The following GCLM variants were observed in gnomAD, a reference collection of about 807,000 sequenced individuals.
The protein encoded by GCLM is glutamate-cysteine ligase modifier subunit.
GCLM carries 15 observed loss-of-function variants against 36.0 expected under a neutral mutation model. The ratio of observed to expected loss-of-function variants is 0.42; its 90% confidence interval spans 0.28 to 0.64. GCLM has a LOEUF of 0.64. Ranked by LOEUF, GCLM falls within the 30% of genes least tolerant of loss-of-function variation. GCLM has a pLI of 0.25. For missense variants in GCLM, 242 were observed against 325.5 expected, an observed-to-expected ratio of 0.74 and a Z score of 1.97; for synonymous variants, 129 against 122.8, an observed-to-expected ratio of 1.05 and a Z score of -0.34.
In GCLM at chr1:93,896,620, G is replaced by A. The variant is rs1656743830; in HGVS notation, c.538C>T (p.Gln180Ter). 1.9e-6 allele frequency: 3 copies of A among 1,612,096 alleles called. No homozygotes were observed. The highest frequency in any genetic ancestry group is 2.2e-5 in the East Asian group (1 of 44,852). ...CTCATGATCCTGCCATCCCTCACCT[G>A]TGCCCACTGATACAGCTGTTCCAAC... ...TQLEQLYQWA[Q>*]VKPNSNQVNL... The change falls in exon 5 of 7, where the codon CAG (glutamine) becomes TAG (stop). Residue 180 changes from glutamine (Q) to a stop codon, truncating the protein, a stop_gained and splice_region_variant. Coordinates refer to ENST00000370238, the MANE Select transcript of GCLM (RefSeq NM_002061.4). LOFTEE classifies it high-confidence loss of function.
intron 1 of GCLM, among the ~76,000 whole-genome samples, chr1:93,906,354 G>A (rs1336806647): frequency 6.6e-6 from 1 of 152,242 alleles, no homozygotes; most frequent in Non-Finnish European, 1.5e-5. Context: ...TAGTAAAAAT[G>A]GAAGGAGCAG....
intron 1 of GCLM, among the ~76,000 whole-genome samples, chr1:93,906,667 A>C (rs1186632810): frequency 1.3e-5 from 2 of 152,194 alleles, no homozygotes; most frequent in African/African-American, 2.4e-5. Context: ...TGTAAATTAC[A>C]TGTTTGCTAT....
rs79508488 is a variant in GCLM, at chr1:93,895,678, A to G, written c.540+940T>C. On this transcript the variant is annotated intron_variant, in intron 5 of 6. Transcript: ENST00000370238. ...CTTCCTGTCCATAAGAAACTCTGAA[A>G]GCTCTGAAAAGGAGAAGGCTGAAGA... Among the ~76,000 whole-genome samples the G allele has an allele frequency of 3.4e-3, 515 of 152,300 alleles. 2 individuals are homozygous for G. The highest frequency in any genetic ancestry group is 0.012 in the African/African-American group (499 of 41,572).
Position 93,909,387 on chromosome 1 carries a change from G to A in GCLM, c.-224C>T. 1 of 812,566 alleles carries A rather than the reference G, an allele frequency of 1.2e-6. No individual in the cohort carries two copies. Among genetic ancestry groups the A allele is most frequent in the Non-Finnish European group, 1.5e-6 (1 of 665,142 alleles). The allele number at this position is 812,566 out of a possible 1,614,324, so 50.3% of individuals were successfully genotyped here. A position where few individuals can be genotyped will look rare whatever the true frequency, so the allele number is the denominator to read the frequency against. On this transcript the variant is annotated 5_prime_UTR_variant, in exon 1 of 7. Coordinates refer to ENST00000370238, the MANE Select transcript of GCLM (RefSeq NM_002061.4). ...GGAAGGCACCGGTGGCTGCGGCTCC[G>A]GCTCCGGCTACTGCGGCCGCAGCGG...
chr1:93,908,999 CT>C (rs1312088052), intron 1 of GCLM, 38 bp downstream of exon 1: 1 of 1,413,186 alleles, frequency 7.1e-7, no homozygotes, highest in Non-Finnish European at 9.2e-7. Context: ...CGCCCGAGGC[CT>C]GCCCCGGGAG....
rs371902959 is a variant in GCLM, at chr1:93,889,007, T to G, written c.808A>C (p.Lys270Gln). The part of the protein sequence containing the change: ...IKSKGYILQA[K>Q]RRGS ...TAAGTCAGTTAAGAACCCCTTCTTT[T>G]AGCTTGTAAAATGTAGCCTTTTGAT... Residue 270 changes from lysine (K) to glutamine (Q), a missense_variant, in exon 7 of 7, where the codon AAA becomes CAA. Transcript: ENST00000370238. The G allele has an allele frequency of 6.3e-7, 1 of 1,591,534 alleles. No individual in the cohort carries two copies. Among genetic ancestry groups the G allele is most frequent in the South Asian group, 1.1e-5 (1 of 87,300 alleles).
At position 93,887,152 on chromosome 1, in the gene GCLM, G is replaced by A. The variant is rs56163360; in HGVS notation, c.*1838C>T. On this transcript the variant is annotated 3_prime_UTR_variant, in exon 7 of 7. Coordinates refer to ENST00000370238, the MANE Select transcript of GCLM (RefSeq NM_002061.4). The stretch of plus-strand genomic sequence containing the variant: ...TGGGATTACAGGAGCCCGCCACCAC[G>A]CCTGGCTAATTTTTGTATTTTTAGC... 485 of 151,942 alleles carry A rather than the reference G, an allele frequency of 3.2e-3. 1 individual carries two copies. The highest frequency in any genetic ancestry group is 6.8e-3 in the Middle Eastern group (2 of 294). 9.4% of individuals were successfully genotyped at this position (151,942 alleles called of 1,614,324 possible).
Position 93,896,731 on chromosome 1 carries a change from A to G in GCLM, c.427T>C (p.Leu143=), listed in dbSNP as rs1332214549. 1.2e-6 allele frequency: 2 copies of G among 1,611,632 alleles called. No individual in the cohort carries two copies. The highest frequency in any genetic ancestry group is 4.5e-5 in the East Asian group (2 of 44,848). Residue 143 remains leucine, a synonymous_variant, in exon 5 of 7, where the codon TTA becomes CTA. Transcript: ENST00000370238. ...EDGVNLSLEH[L]QPYWEELENL... is the part of the protein sequence containing the mutation. ...TCTAATTCCTCCCAGTAAGGCTGTA[A>G]ATGCTCCAAGGAAAGATTAACTCCA...
chr1:93,893,523 T>C (rs934200233), intron 6 of GCLM, among the ~76,000 whole-genome samples: 3 of 152,208 alleles, frequency 2.0e-5, no homozygotes, highest in Admixed American at 6.5e-5. Context: ...TTTTTAGGTA[T>C]GGAAATAAAA....
intron 1 of GCLM, among the ~76,000 whole-genome samples, chr1:93,906,412 C>T (rs984724173): frequency 2.6e-5 from 4 of 152,122 alleles, no homozygotes; most frequent in Non-Finnish European, 4.4e-5. Context: ...TGGCTCAAAT[C>T]GTGGGATAAT....
chr1:93,896,453 G>C (rs1229257626), intron 5 of GCLM, among the ~76,000 whole-genome samples, 165 bp downstream of exon 5: 1 of 152,104 alleles, frequency 6.6e-6, no homozygotes, highest in Non-Finnish European at 1.5e-5. Flanking sequence ...AAATGATTTA[G>C]ATAAAACCTG....
intron 1 of GCLM, 97 bp downstream of exon 1, chr1:93,908,940 AC>A: frequency 1.0e-6 from 1 of 1,003,756 alleles, no homozygotes; most frequent in South Asian, 2.4e-5. Context: ...AGGCCCTGCC[AC>A]CCTCCCTCGC....
rs1657280460 is a variant in GCLM at position 93,909,412 on chromosome 1, G to A, written c.-249C>T. ...GGCTCCGGCTACTGCGGCCGCAGCG[G>A]GAGAGCTGATTCCAAACTGAGGGAG... On this transcript the variant is annotated 5_prime_UTR_variant, in exon 1 of 7. Transcript: ENST00000370238. The A allele has an allele frequency of 1.0e-5, 5 of 500,488 alleles. No homozygotes were observed. The highest frequency in any genetic ancestry group is 2.1e-5 in the African/African-American group (1 of 48,444). 31.0% of individuals were successfully genotyped at this position (500,488 alleles called of 1,614,324 possible). A position where few individuals can be genotyped will look rare whatever the true frequency, so the allele number is the denominator to read the frequency against.
intron 1 of GCLM, among the ~76,000 whole-genome samples, chr1:93,905,010 C>T (rs1036511349): frequency 6.6e-6 from 1 of 151,930 alleles, no homozygotes; most frequent in East Asian, 1.9e-4. Context: ...CCTGTCTCTA[C>T]TAAAAATACA....
chr1:93,898,982 T>C (rs1004805206), intron 3 of GCLM, among the ~76,000 whole-genome samples: 1 of 152,188 alleles, frequency 6.6e-6, no homozygotes, highest in African/African-American at 2.4e-5. Context: ...CAAAAAGAAT[T>C]GCCAGTCTCA....
intron 3 of GCLM, 124 bp from the exon 4 acceptor site, chr1:93,898,022 C>T: frequency 2.2e-6 from 1 of 462,100 alleles, no homozygotes; most frequent in East Asian, 3.6e-5. Context: ...TTTCCTTTCC[C>T]AGTCACATAA....
intron 3 of GCLM, among the ~76,000 whole-genome samples, chr1:93,900,991 C>G (rs1656928243): frequency 6.6e-6 from 1 of 152,196 alleles, no homozygotes; most frequent in Non-Finnish European, 1.5e-5. Flanking sequence ...GTAATCTGCA[C>G]ACCCCGAAAC....
chr1:93,909,149 G>T lies in GCLM; in HGVS notation c.15C>A (p.Ser5Arg). 7.3e-7 allele frequency: 1 copy of T among 1,376,974 alleles called. No homozygotes were observed. The allele number at this position is 1,376,974 out of a possible 1,614,324, so 85.3% of individuals were successfully genotyped here. ...GCGCCAGGAGCGCCTTGGCCGCGCG[G>T]CTGTCGGTGCCCATGGCAGCGGCCG... MGTD[S>R]RAAKALLARA... Residue 5 changes from serine (S) to arginine (R), a missense_variant, in exon 1 of 7, where the codon AGC becomes AGA. Coordinates refer to ENST00000370238, the MANE Select transcript of GCLM (RefSeq NM_002061.4).
At chr1:93,906,464 T>G (rs718875) in intron 1 of GCLM, among the ~76,000 whole-genome samples, 1 of 152,142 alleles carries the variant, frequency 6.6e-6, no homozygotes, top group Admixed American at 6.5e-5. Flanking sequence ...ATTTGCACAC[T>G]TGAGGCTTTC....
Sources: allele counts gnomAD v4.1 joint callset (sites outside exome capture counted in the v4.1 genomes callset), GRCh38; gene constraint gnomAD v4.1.1; transcripts MANE v1.5; gene names NCBI Gene and HGNC (gene_info 2026-07-23, HGNC 2026-07-21).